Variants in MAS1 observed in about 807,000 individuals in gnomAD.
MAS1 encodes MAS1 proto-oncogene, G protein-coupled receptor.
For missense variants in MAS1, 387 were observed against 409.7 expected, an observed-to-expected ratio of 0.94 and a Z score of 0.48; for synonymous variants, 163 against 164.2, an observed-to-expected ratio of 0.99 and a Z score of 0.05.
At chr6:159,901,299 A>G (rs1782818782) in intron 2 of MAS1, among the ~76,000 whole-genome samples, 1 of 152,200 alleles carries the variant, frequency 6.6e-6, no homozygotes, top group South Asian at 2.1e-4. Flanking sequence ...TTCCGTCCAC[A>G]ACAGTCAATA....
chr6:159,894,418 C>CAAAA (rs5881344), intron 1 of MAS1, among the ~76,000 whole-genome samples: 13 of 79,100 alleles, frequency 1.6e-4, no homozygotes, highest in South Asian at 4.5e-4. Context: ...GACCCTGTCT[C>CAAAA]AAAAAAAAAA....
At position 159,908,192 on chromosome 6, in the gene MAS1, T is replaced by C. The variant is rs1782921052; in HGVS notation, c.*259T>C. On this transcript the variant is annotated 3_prime_UTR_variant, in exon 3 of 3. Coordinates refer to ENST00000674077, the MANE Select transcript of MAS1 (RefSeq NM_002377.4). ...TACCATGAACCATAAAAATGACTTT[T>C]GCAGGAAGATTTACAGATGTGTACG... is the stretch of plus-strand genomic sequence containing the variant. 3.0e-6 allele frequency: 1 copy of C among 328,094 alleles called. No homozygotes were observed. Among genetic ancestry groups the C allele is most frequent in the Non-Finnish European group, 5.5e-6 (1 of 180,204 alleles). The allele number at this position is 328,094 out of a possible 1,614,324, so 20.3% of individuals were successfully genotyped here.
At chr6:159,906,185 T>C (rs1782884950) in intron 2 of MAS1, among the ~76,000 whole-genome samples, 1 of 152,192 alleles carries the variant, frequency 6.6e-6, no homozygotes, top group Admixed American at 6.5e-5. Flanking sequence ...CATCTGGCGA[T>C]GGTGTTTCCC....
At chr6:159,904,756 G>T (rs1041102485) in intron 2 of MAS1, among the ~76,000 whole-genome samples, 1 of 152,182 alleles carries the variant, frequency 6.6e-6, no homozygotes, top group Non-Finnish European at 1.5e-5. Flanking sequence ...AGCCCACAAA[G>T]CCCGTTTGGA....
chr6:159,912,866 A>T lies in MAS1; in HGVS notation c.*4933A>T, dbSNP rs1782979450. 6.6e-6 allele frequency: 1 copy of T among 152,244 alleles called. No homozygotes were observed. Among genetic ancestry groups the T allele is most frequent in the Admixed American group, 6.5e-5 (1 of 15,282 alleles). 9.4% of individuals were successfully genotyped at this position (152,244 alleles called of 1,614,324 possible). ...AAAATACACTTCAACTATTGATAAA[A>T]GAGCATGGAGCAGAGTTAGACCGGT... is the stretch of plus-strand genomic sequence containing the variant. On this transcript the variant is annotated 3_prime_UTR_variant, in exon 3 of 3. Transcript: ENST00000674077.
At chr6:159,905,891 A>G (rs1448150938) in intron 2 of MAS1, among the ~76,000 whole-genome samples, 1 of 152,100 alleles carries the variant, frequency 6.6e-6, no homozygotes, top group Non-Finnish European at 1.5e-5. Flanking sequence ...AAATACAAAA[A>G]ATTAGCCAGG....
At chr6:159,900,433 A>C (rs1402392154) in intron 2 of MAS1, among the ~76,000 whole-genome samples, 1 of 152,216 alleles carries the variant, frequency 6.6e-6, no homozygotes, top group Non-Finnish European at 1.5e-5. Context: ...GCTGTTGTCA[A>C]GGCATTTCTC....
Position 159,916,364 on chromosome 6 carries a change from G to A in MAS1, c.*8431G>A, listed in dbSNP as rs1218044297. 6.6e-6 allele frequency: 1 copy of A among 152,136 alleles called. No homozygotes were observed. Among genetic ancestry groups the A allele is most frequent in the Non-Finnish European group, 1.5e-5 (1 of 68,028 alleles). 9.4% of individuals were successfully genotyped at this position (152,136 alleles called of 1,614,324 possible). ...AGGGAGGAGGGAGTGGGGAGTTAGT[G>A]TTTAGTAGGAACTGAATTTCAGTTT... On this transcript the variant is annotated 3_prime_UTR_variant, in exon 3 of 3. Coordinates refer to ENST00000674077, the MANE Select transcript of MAS1 (RefSeq NM_002377.4).
rs944340629 is a variant in MAS1 at position 159,909,207 on chromosome 6, A to G, written c.*1274A>G. The G allele has an allele frequency of 6.6e-6, 1 of 152,190 alleles. No homozygotes were observed. Among genetic ancestry groups the G allele is most frequent in the Non-Finnish European group, 1.5e-5 (1 of 68,026 alleles). 9.4% of individuals were successfully genotyped at this position (152,190 alleles called of 1,614,324 possible). A position where few individuals can be genotyped will look rare whatever the true frequency, so the allele number is the denominator to read the frequency against. ...TAGCTGTGAAGCCCGTCGCATAGCTATGTTTATTTCCTTCTGTCCCTTCTA... is the reference window on the plus strand; with the variant it reads ...TAGCTGTGAAGCCCGTCGCATAGCTGTGTTTATTTCCTTCTGTCCCTTCTA... On this transcript the variant is annotated 3_prime_UTR_variant, in exon 3 of 3. Transcript: ENST00000674077.
rs2115124272 is a variant in MAS1 at position 159,912,399 on chromosome 6, C to G, written c.*4466C>G. The G allele has an allele frequency of 6.6e-6, 1 of 152,302 alleles. No individual in the cohort carries two copies. Among genetic ancestry groups the G allele is most frequent in the South Asian group, 2.1e-4 (1 of 4,828 alleles). The allele number at this position is 152,302 out of a possible 1,614,324, so 9.4% of individuals were successfully genotyped here. ...CACATCAAGCCATACATACTTTTTC[C>G]TGTGCTTTTTCTCATGGAGAGGAGC... On this transcript the variant is annotated 3_prime_UTR_variant, in exon 3 of 3. Coordinates refer to ENST00000674077, the MANE Select transcript of MAS1 (RefSeq NM_002377.4).
chr6:159,915,131 TC>T lies in MAS1; in HGVS notation c.*7202del, dbSNP rs1783007412. ...CATCTTGTTGAGCTCTCCCAAAATGTCCCCTTCTCCTACATTGGCACACGCT... is the reference window on the plus strand; with the variant it reads ...CATCTTGTTGAGCTCTCCCAAAATGTCCCTTCTCCTACATTGGCACACGCT... On this transcript the variant is annotated 3_prime_UTR_variant, in exon 3 of 3. Transcript: ENST00000674077. 1 of 152,164 alleles carries T rather than the reference TC, an allele frequency of 6.6e-6. No homozygotes were observed. The highest frequency in any genetic ancestry group is 2.4e-5 in the African/African-American group (1 of 41,428). The allele number at this position is 152,164 out of a possible 1,614,324, so 9.4% of individuals were successfully genotyped here.
intron 2 of MAS1, among the ~76,000 whole-genome samples, chr6:159,903,149 G>A (rs145811371): frequency 5.9e-5 from 9 of 152,092 alleles, no homozygotes; most frequent in African/African-American, 1.4e-4. Flanking sequence ...CCCTGACACC[G>A]CTGGGACCTC....
chr6:159,889,288 G>T (rs148121563), upstream of MAS1, among the ~76,000 whole-genome samples: 214 of 152,346 alleles, frequency 1.4e-3, 2 homozygotes, highest in Non-Finnish European at 7.3e-5. Context: ...CCTCTGTTCT[G>T]TTGACTTACA....
At position 159,916,803 on chromosome 6, in the gene MAS1, T is replaced by C. The variant is rs922842199; in HGVS notation, c.*8870T>C. On this transcript the variant is annotated 3_prime_UTR_variant, in exon 3 of 3. Transcript: ENST00000674077. ...GGCCGGATAGCAGCCACTCTTGGCT[T>C]TGCGGGCCGTACAGTCTGTGCTGCA... is the stretch of plus-strand genomic sequence containing the variant. Among the ~76,000 whole-genome samples, 7 of 152,256 alleles carry C rather than the reference T, an allele frequency of 4.6e-5. No homozygotes were observed. The highest frequency in any genetic ancestry group is 2.1e-4 in the South Asian group (1 of 4,834).
intron 1 of MAS1, among the ~76,000 whole-genome samples, chr6:159,891,905 G>T (rs1782702821): frequency 6.6e-6 from 1 of 152,262 alleles, no homozygotes; most frequent in East Asian, 1.9e-4. Flanking sequence ...ATTTTGGGCT[G>T]GGTAATTCTT....
chr6:159,902,715 C>CCAG (rs1278693121), intron 2 of MAS1, among the ~76,000 whole-genome samples: 1 of 152,056 alleles, frequency 6.6e-6, no homozygotes, highest in Non-Finnish European at 1.5e-5. Flanking sequence ...CTCTCCAACA[C>CCAG]CAGCAGCAGC....
intron 1 of MAS1, among the ~76,000 whole-genome samples, chr6:159,897,058 T>C (rs1156296082): frequency 6.6e-6 from 1 of 152,034 alleles, no homozygotes; most frequent in Admixed American, 6.6e-5. Flanking sequence ...GTATTTCTAG[T>C]AGAGACGGGG....
chr6:159,908,571 T>C lies in MAS1; in HGVS notation c.*638T>C, dbSNP rs981322104. ...GCTCTATCATGTACAGAAGTTATTA[T>C]GTGTTTTTACATGTTGAATGTAAAT... On this transcript the variant is annotated 3_prime_UTR_variant, in exon 3 of 3. Transcript: ENST00000674077. 1 of 151,832 alleles carries C rather than the reference T, an allele frequency of 6.6e-6. No homozygotes were observed. Among genetic ancestry groups the C allele is most frequent in the Non-Finnish European group, 1.5e-5 (1 of 67,982 alleles). 9.4% of individuals were successfully genotyped at this position (151,832 alleles called of 1,614,324 possible).
At chr6:159,904,115 A>G (rs956762821) in intron 2 of MAS1, among the ~76,000 whole-genome samples, 1 of 152,008 alleles carries the variant, frequency 6.6e-6, no homozygotes, top group Non-Finnish European at 1.5e-5. Context: ...CCTCTCTGTC[A>G]GGTCATCCTC....
Sources: gnomAD v4.1 joint callset for allele counts (sites outside exome capture counted in the v4.1 genomes callset) on GRCh38, gnomAD v4.1.1 for gene constraint, MANE v1.5 for transcripts, NCBI Gene and HGNC (gene_info 2026-07-23, HGNC 2026-07-21) for gene names.